The following SESTD1 variants were observed in gnomAD, a reference collection of about 807,000 sequenced individuals.
SESTD1 encodes SEC14 domain and spectrin repeat-containing protein 1.
A neutral mutation model predicts 101.7 loss-of-function variants in SESTD1; 43 were observed. That is an observed-to-expected ratio of 0.42 (90% CI 0.33 to 0.55). The LOEUF is 0.55. SESTD1 is among the 20% of genes least tolerant of loss of function. The pLI, the probability that SESTD1 is intolerant of heterozygous loss-of-function variation, is 0.07. For missense variants in SESTD1, 647 were observed against 815.1 expected, an observed-to-expected ratio of 0.79 and a Z score of 2.51; for synonymous variants, 283 against 286.8, an observed-to-expected ratio of 0.99 and a Z score of 0.13.
intron 12 of SESTD1, among the ~76,000 whole-genome samples, chr2:179,122,187 G>C (rs568342571): frequency 2.6e-5 from 4 of 152,160 alleles, no homozygotes; most frequent in Non-Finnish European, 5.9e-5. Flanking sequence ...GGTTTCCATA[G>C]ACAATAATTA....
intron 5 of SESTD1, among the ~76,000 whole-genome samples, chr2:179,164,232 G>A (rs1043318436): frequency 2.0e-5 from 3 of 152,124 alleles, no homozygotes; most frequent in Admixed American, 1.3e-4. Context: ...ATGGAGCCAG[G>A]GGTGTTCTTG....
chr2:179,131,126 C>T (rs2045004408), intron 10 of SESTD1, among the ~76,000 whole-genome samples: 1 of 152,102 alleles, frequency 6.6e-6, no homozygotes, highest in South Asian at 2.1e-4. Context: ...ATTATTCCTT[C>T]AGCTAGATTA....
chr2:179,119,775 G>A (rs1030911508), intron 13 of SESTD1, among the ~76,000 whole-genome samples: 5 of 152,158 alleles, frequency 3.3e-5, no homozygotes, highest in South Asian at 2.1e-4. Flanking sequence ...AAAGTGTGCC[G>A]CACCTCCCCC....
At chr2:179,164,219 T>A (rs753678772) in intron 5 of SESTD1, among the ~76,000 whole-genome samples, 6 of 152,186 alleles carry the variant, frequency 3.9e-5, no homozygotes, top group Non-Finnish European at 8.8e-5. Context: ...AGAATCAGAA[T>A]AAATGGAGCC....
At chr2:179,215,861 A>G (rs1448003700) in intron 1 of SESTD1, among the ~76,000 whole-genome samples, 1 of 135,238 alleles carries the variant, frequency 7.4e-6, no homozygotes, top group Non-Finnish European at 1.6e-5. Flanking sequence ...AACGTAATCC[A>G]TCACATAAAC....
At chr2:179,174,460 T>C (rs762827721) in intron 4 of SESTD1, 3 of 468,152 alleles carry the variant, frequency 6.4e-6, no homozygotes, top group Non-Finnish European at 8.8e-6. Flanking sequence ...ACAGCTCATC[T>C]GTGACACAGT....
At chr2:179,206,863 G>A (rs1377800647) in intron 1 of SESTD1, among the ~76,000 whole-genome samples, 2 of 133,878 alleles carry the variant, frequency 1.5e-5, no homozygotes, top group Admixed American at 1.5e-4. Flanking sequence ...TGTGGTTGGT[G>A]GGGGCAAGGT....
chr2:179,166,320 G>C (rs1028744114), intron 5 of SESTD1, among the ~76,000 whole-genome samples: 10 of 152,006 alleles, frequency 6.6e-5, no homozygotes, highest in Non-Finnish European at 1.2e-4. Flanking sequence ...GCCACTAATG[G>C]AAAGGCATGA....
rs779901413 is a variant in SESTD1, at chr2:179,191,880, A to C, written c.-25-14T>G. ...ACTTCCTTAATTCTGAAAACACAGA[A>C]AGTCAAATGTCAACTACAAGACAAC... On this transcript the variant is annotated splice_polypyrimidine_tract_variant and intron_variant, in intron 1 of 17. Coordinates refer to ENST00000428443, the MANE Select transcript of SESTD1 (RefSeq NM_178123.5). 6.6e-7 allele frequency: 1 copy of C among 1,516,242 alleles called. No homozygotes were observed. The highest frequency in any genetic ancestry group is 1.1e-5 in the South Asian group (1 of 87,290). The allele number at this position is 1,516,242 out of a possible 1,614,324, so 93.9% of individuals were successfully genotyped here.
intron 5 of SESTD1, among the ~76,000 whole-genome samples, chr2:179,158,925 T>A (rs2045680634): frequency 6.6e-6 from 1 of 152,176 alleles, no homozygotes. Context: ...ATTGACAACT[T>A]ACAGAACTAT....
At chr2:179,139,817 AT>A (rs2105437177) in intron 9 of SESTD1, among the ~76,000 whole-genome samples, 1 of 152,112 alleles carries the variant, frequency 6.6e-6, no homozygotes, top group East Asian at 1.9e-4. Flanking sequence ...ACCCTACATG[AT>A]CCCCTTAAAA....
chr2:179,185,086 T>G (rs2046187710), intron 2 of SESTD1, among the ~76,000 whole-genome samples: 1 of 152,038 alleles, frequency 6.6e-6, no homozygotes, highest in Non-Finnish European at 1.5e-5. Context: ...ACAGGCATTT[T>G]CACACACCAT....
At chr2:179,187,594 A>G (rs2046253171) in intron 2 of SESTD1, among the ~76,000 whole-genome samples, 2 of 152,196 alleles carry the variant, frequency 1.3e-5, no homozygotes. Flanking sequence ...TGATCGCACC[A>G]CTGCACTCCA....
chr2:179,133,209 T>C (rs1173544104), intron 9 of SESTD1, among the ~76,000 whole-genome samples: 6 of 152,060 alleles, frequency 3.9e-5, no homozygotes, highest in African/African-American at 1.4e-4. Flanking sequence ...ATGGGGCAGA[T>C]ATGGGAGACA....
intron 9 of SESTD1, 77 bp from the exon 10 acceptor site, chr2:179,132,503 CT>C: frequency 1.3e-6 from 2 of 1,481,646 alleles, no homozygotes; most frequent in Non-Finnish European, 1.8e-6. Context: ...TATTTTTCCC[CT>C]CCCAAAGTTC....
chr2:179,129,622 T>C (rs1296250716), intron 10 of SESTD1, among the ~76,000 whole-genome samples: 3 of 152,164 alleles, frequency 2.0e-5, no homozygotes, highest in African/African-American at 7.2e-5. Flanking sequence ...ATGTTAAAAG[T>C]TTTCTCAAAT....
intron 15 of SESTD1, 31 bp downstream of exon 15, chr2:179,116,637 T>C (rs2044639378): frequency 4.3e-6 from 7 of 1,613,860 alleles, no homozygotes; most frequent in African/African-American, 1.3e-5. Flanking sequence ...AACACTGAGC[T>C]TGTGGAAAAG....
At chr2:179,164,904 C>CAGGATCA (rs2105466771) in intron 5 of SESTD1, among the ~76,000 whole-genome samples, 1 of 152,316 alleles carries the variant, frequency 6.6e-6, no homozygotes, top group South Asian at 2.1e-4. Context: ...TTTATGCTTA[C>CAGGATCA]AGGATCACCA....
intron 1 of SESTD1, among the ~76,000 whole-genome samples, chr2:179,245,240 G>A (rs563512994): frequency 9.9e-4 from 151 of 152,142 alleles, no homozygotes; most frequent in African/African-American, 3.6e-3. Context: ...AGATGAGCTG[G>A]GCACGTTGGC....
Sources: allele counts gnomAD v4.1 joint callset (sites outside exome capture counted in the v4.1 genomes callset), GRCh38; gene constraint gnomAD v4.1.1; transcripts MANE v1.5; gene names NCBI Gene and HGNC (gene_info 2026-07-23, HGNC 2026-07-21).